The following ALK variants were observed in gnomAD, a reference collection of about 807,000 sequenced individuals.
ALK encodes ALK tyrosine kinase receptor.
A neutral mutation model predicts 163.1 loss-of-function variants in ALK; 74 were observed. The ratio of observed to expected loss-of-function variants is 0.45; its 90% CI spans 0.38 to 0.55. The LOEUF is 0.55. ALK is among the 20% of genes least tolerant of loss of function. The probability of loss-of-function intolerance (pLI) is 0.00; values close to 1 mark genes in which losing one functional copy is unlikely to be tolerated. For synonymous variants in ALK, 960 were observed against 843.2 expected (o/e 1.14, Z -2.40); for missense variants, 2,063 against 2,105.3 (o/e 0.98, Z 0.39).
At chr2:29,731,841 T>G (rs556946781) in intron 1 of ALK, among the ~76,000 whole-genome samples, 62 of 152,212 alleles carry the variant, frequency 4.1e-4, no homozygotes, top group Admixed American at 1.2e-3. Flanking sequence ...ACTACATCTA[T>G]CTCTTATAAT....
At chr2:29,282,307 A>G (rs1313554075) in intron 9 of ALK, among the ~76,000 whole-genome samples, 1 of 152,204 alleles carries the variant, frequency 6.6e-6, no homozygotes, top group Non-Finnish European at 1.5e-5. Context: ...CAGTAGGCAT[A>G]TCTATTAGAA....
At chr2:29,858,104 T>C (rs112704277) in intron 1 of ALK, among the ~76,000 whole-genome samples, 1,751 of 152,220 alleles carry the variant, frequency 0.012, 22 homozygotes, top group African/African-American at 0.04. Context: ...TTCTATGCAA[T>C]TTTATCACAC....
chr2:29,229,000 G>C lies in ALK; in HGVS notation c.2699C>G (p.Ala900Gly). The C allele has an allele frequency of 1.9e-6, 3 of 1,612,204 alleles. No individual in the cohort carries two copies. The highest frequency in any genetic ancestry group is 2.5e-6 in the Non-Finnish European group (3 of 1,179,368). The stretch of plus-strand genomic sequence containing the variant: ...CTGGGGGCAGGAATGTCCTCCGGTG[G>C]CACCCTCCTGCAAAGATTTTCCGGC... ...LWAGKSLQEGATGGHSCPQAM... is the reference protein window; with the variant it reads ...LWAGKSLQEGGTGGHSCPQAM... Residue 900 changes from alanine to glycine, a missense_variant, in exon 16 of 29, where the codon GCC becomes GGC. By Grantham distance (60) the Ala-to-Gly change is moderately conservative. Coordinates refer to ENST00000389048, the MANE Select transcript of ALK (RefSeq NM_004304.5).
At chr2:29,773,256 T>A (rs200945328) in intron 1 of ALK, among the ~76,000 whole-genome samples, 28 of 138,366 alleles carry the variant, frequency 2.0e-4, no homozygotes, top group Admixed American at 3.7e-4. Flanking sequence ...ACACACACAT[T>A]TTTTTCTTTT....
Position 29,900,496 on chromosome 2 carries a change from C to T in ALK, c.667+19497G>A, listed in dbSNP as rs758875963. 3.9e-5 allele frequency among the ~76,000 whole-genome samples: 6 copies of T among 152,332 alleles called. No homozygotes were observed. The East Asian group carries it at 5.8e-4, about 15-fold the overall frequency. On this transcript the variant is annotated intron_variant, in intron 1 of 28. Coordinates refer to ENST00000389048, the MANE Select transcript of ALK (RefSeq NM_004304.5). ...GCCCCTATTTCCTAAATAGGCAAAA[C>T]GTAAGCACACTCATTTTTATTTTAA...
chr2:29,245,893 T>C (rs1355474607), intron 12 of ALK, among the ~76,000 whole-genome samples: 2 of 152,196 alleles, frequency 1.3e-5, no homozygotes, highest in Non-Finnish European at 1.5e-5. Context: ...TTCATGGCTA[T>C]TTGTGGAGTT....
At chr2:29,232,187 G>C (rs542276632) in intron 15 of ALK, 117 bp downstream of exon 15, 1 of 1,412,862 alleles carries the variant, frequency 7.1e-7, no homozygotes, top group East Asian at 2.3e-5. Context: ...CCAATATTCA[G>C]AGCTCCTAGC....
rs752439739 is a variant in ALK at position 29,275,144 on chromosome 2, G to A, written c.1996C>T (p.Pro666Ser). Residue 666 changes from proline to serine, a missense_variant, in exon 11 of 29, where the codon CCC becomes TCC. Pro to Ser is a moderately conservative substitution (Grantham distance 74). This residue lies in a region of ALK where 987 missense variants were observed against 939.5 expected (regional missense o/e 1.05). Coordinates refer to ENST00000389048, the MANE Select transcript of ALK (RefSeq NM_004304.5). ...GTCTGTCTTGGTGAATTTTCCCCGG[G>A]TTTCAGCTCCTTGTTTGGGTTTCTC... ...FERNPNKELKPGENSPRQTPI... is the reference protein window; with the variant it reads ...FERNPNKELKSGENSPRQTPI... The A allele has an allele frequency of 6.2e-7, 1 of 1,614,130 alleles. No individual in the cohort carries two copies. The highest frequency in any genetic ancestry group is 2.2e-5 in the East Asian group (1 of 44,882).
At chr2:29,909,480 CAGAG>C (rs369360033) in intron 1 of ALK, among the ~76,000 whole-genome samples, 10,684 of 135,798 alleles carry the variant, frequency 0.079, 600 homozygotes, top group African/African-American at 0.17. Context: ...GACAGACAGA[CAGAG>C]AGAGAGAGAG....
rs576923259 is a variant in ALK at position 29,208,234 on chromosome 2, G to A, written c.3837-962C>T. On this transcript the variant is annotated intron_variant, in intron 25 of 28. Coordinates refer to ENST00000389048, the MANE Select transcript of ALK (RefSeq NM_004304.5). ...AGGGGTAGGGAAAGCTTCACAGAAGGGCACTGATGGAGCTGAGGAGAAAAG... is the reference window on the plus strand; with the variant it reads ...AGGGGTAGGGAAAGCTTCACAGAAGAGCACTGATGGAGCTGAGGAGAAAAG... Among the ~76,000 whole-genome samples the A allele has an allele frequency of 3.9e-5, 6 of 152,044 alleles. No individual in the cohort carries two copies. In the East Asian group the frequency reaches 9.7e-4, roughly 25 times the overall value.
At chr2:29,858,359 G>C (rs1196960204) in intron 1 of ALK, among the ~76,000 whole-genome samples, 1 of 152,042 alleles carries the variant, frequency 6.6e-6, no homozygotes, top group East Asian at 1.9e-4. Flanking sequence ...ACATCCCTTA[G>C]GGTGATAACT....
At chr2:29,453,096 T>C (rs1670863102) in intron 4 of ALK, among the ~76,000 whole-genome samples, 1 of 152,238 alleles carries the variant, frequency 6.6e-6, no homozygotes, top group Admixed American at 6.5e-5. Context: ...AAGAGAATTG[T>C]ATCAATGTTG....
chr2:29,257,461 C>G (rs1462096114), intron 11 of ALK, among the ~76,000 whole-genome samples: 1 of 151,852 alleles, frequency 6.6e-6, no homozygotes, highest in Non-Finnish European at 1.5e-5. Flanking sequence ...TAGTAATAAA[C>G]AGTACATCGC....
intron 1 of ALK, among the ~76,000 whole-genome samples, chr2:29,912,027 G>C (rs1667716293): frequency 6.6e-6 from 1 of 152,244 alleles, no homozygotes; most frequent in South Asian, 2.1e-4. Context: ...AGAGGAAAGA[G>C]TCAATCAACT....
At chr2:29,623,007 G>A (rs1050952522) in intron 3 of ALK, among the ~76,000 whole-genome samples, 1 of 152,106 alleles carries the variant, frequency 6.6e-6, no homozygotes, top group Non-Finnish European at 1.5e-5. Flanking sequence ...CTGGCACCTA[G>A]GAGGTTCCTA....
At chr2:29,447,660 G>T (rs1670719894) in intron 4 of ALK, among the ~76,000 whole-genome samples, 1 of 152,180 alleles carries the variant, frequency 6.6e-6, no homozygotes, top group Non-Finnish European at 1.5e-5. Context: ...AAAGAGAGTG[G>T]CTGGGGGAGA....
chr2:29,848,442 C>G (rs534629714), intron 1 of ALK, among the ~76,000 whole-genome samples: 17 of 151,782 alleles, frequency 1.1e-4, no homozygotes, highest in African/African-American at 4.1e-4. Flanking sequence ...TATGTGCTTT[C>G]TAACCATACC....
chr2:29,239,935 C>G (rs1317046433), intron 12 of ALK, 105 bp from the exon 13 acceptor site: 1 of 1,348,124 alleles, frequency 7.4e-7, no homozygotes, highest in African/African-American at 1.4e-5. Flanking sequence ...CCATCGTGGT[C>G]TGAGGGTTCT....
intron 3 of ALK, among the ~76,000 whole-genome samples, chr2:29,545,299 A>AT (rs1673525712): frequency 6.6e-6 from 1 of 152,188 alleles, no homozygotes; most frequent in Non-Finnish European, 1.5e-5. Flanking sequence ...TGGTCTTATG[A>AT]ATTGTTCAAA....
Sources: allele counts gnomAD v4.1 joint callset (sites outside exome capture counted in the v4.1 genomes callset), GRCh38; gene constraint gnomAD v4.1.1; regional missense constraint gnomAD v4.1.1; transcripts MANE v1.5; gene names NCBI Gene and HGNC (gene_info 2026-07-23, HGNC 2026-07-21).